ZDHHC18: variants seen among roughly 807,000 people sequenced by gnomAD.
ZDHHC18 encodes palmitoyltransferase ZDHHC18.
Under a neutral mutation model 37.5 loss-of-function variants are expected in ZDHHC18, and 23 were observed. The observed-to-expected ratio is 0.61, with a 90% CI of 0.44 to 0.87. ZDHHC18 has a LOEUF of 0.87. Among genes scored for constraint, ZDHHC18 ranks in the 40% least tolerant of loss-of-function variants. The pLI is 0.00. For missense variants in ZDHHC18, 406 were observed against 525.6 expected, an observed-to-expected ratio of 0.77 and a Z score of 2.22; for synonymous variants, 185 against 218.7, an observed-to-expected ratio of 0.85 and a Z score of 1.36.
intron 2 of ZDHHC18, among the ~76,000 whole-genome samples, chr1:26,839,352 C>A (rs755465575): frequency 2.0e-5 from 3 of 152,226 alleles, no homozygotes; most frequent in Non-Finnish European, 4.4e-5. Flanking sequence ...TACCATCACT[C>A]CCTTCTTTCT....
chr1:26,846,488 G>A (rs959209845), intron 2 of ZDHHC18, among the ~76,000 whole-genome samples: 3 of 149,836 alleles, frequency 2.0e-5, no homozygotes, highest in South Asian at 2.1e-4. Flanking sequence ...CACCATGCCC[G>A]GCTGATTTTT....
chr1:26,840,893 GT>G (rs774116688), intron 2 of ZDHHC18, among the ~76,000 whole-genome samples: 36 of 145,944 alleles, frequency 2.5e-4, no homozygotes, highest in Non-Finnish European at 4.5e-4. Context: ...TATCTCTCTT[GT>G]TAGGTTGTTT....
At chr1:26,836,742 G>A (rs376395785) in intron 2 of ZDHHC18, among the ~76,000 whole-genome samples, 24 of 148,770 alleles carry the variant, frequency 1.6e-4, no homozygotes, top group African/African-American at 4.7e-4. Context: ...CTAATTTTTC[G>A]TATTTTTAGT....
intron 2 of ZDHHC18, among the ~76,000 whole-genome samples, chr1:26,846,557 A>G (rs2081667272): frequency 6.6e-6 from 1 of 150,584 alleles, no homozygotes; most frequent in African/African-American, 2.4e-5. Flanking sequence ...TCCTGACCTC[A>G]TGATCCGCCT....
At chr1:26,841,597 G>T (rs1193006095) in intron 2 of ZDHHC18, among the ~76,000 whole-genome samples, 1 of 152,176 alleles carries the variant, frequency 6.6e-6, no homozygotes, top group Non-Finnish European at 1.5e-5. Flanking sequence ...GGAGCCAAAA[G>T]CTGGGACTCT....
intron 2 of ZDHHC18, among the ~76,000 whole-genome samples, chr1:26,844,630 A>C (rs1482554219): frequency 6.6e-6 from 1 of 152,216 alleles, no homozygotes; most frequent in African/African-American, 2.4e-5. Context: ...GTTGCCAAAC[A>C]GTTGTCCAAA....
intron 1 of ZDHHC18, among the ~76,000 whole-genome samples, chr1:26,829,844 T>C (rs750497939): frequency 2.6e-5 from 4 of 152,336 alleles, no homozygotes; most frequent in Admixed American, 6.5e-5. Context: ...GGAGAGCTGT[T>C]AGCCTCTGGC....
At chr1:26,852,592 G>T (rs1475532104) in intron 6 of ZDHHC18, among the ~76,000 whole-genome samples, 161 bp from the exon 7 acceptor site, 1 of 152,192 alleles carries the variant, frequency 6.6e-6, no homozygotes, top group African/African-American at 2.4e-5. Context: ...TCTGCCAGGG[G>T]TCCCCCACAT....
chr1:26,826,704 A>T lies in ZDHHC18; in HGVS notation c.-101A>T. The T allele has an allele frequency of 2.2e-6, 1 of 459,272 alleles. No homozygotes were observed. Among genetic ancestry groups the T allele is most frequent in the Non-Finnish European group, 2.8e-6 (1 of 351,450 alleles). 28.4% of individuals were successfully genotyped at this position (459,272 alleles called of 1,614,324 possible). On this transcript the variant is annotated 5_prime_UTR_variant, in exon 1 of 8. Coordinates refer to ENST00000374142, the MANE Select transcript of ZDHHC18 (RefSeq NM_032283.3). The surrounding 1 kb of genome is among the most constrained non-coding windows in gnomAD (Gnocchi z 5.2). ...GGCCGCCCCAGTGAGTGAGCGAGCG[A>T]GCGCCGCGCGCGCCGCCGCTGCCAC...
chr1:26,843,137 C>CTTT (rs1336807710), intron 2 of ZDHHC18, among the ~76,000 whole-genome samples: 1 of 141,980 alleles, frequency 7.0e-6, no homozygotes, highest in Non-Finnish European at 1.6e-5. Flanking sequence ...TTCTTTCTTT[C>CTTT]TTTTTTTTTT....
chr1:26,847,045 G>C (rs1343282307), intron 2 of ZDHHC18, among the ~76,000 whole-genome samples: 1 of 151,788 alleles, frequency 6.6e-6, no homozygotes, highest in Non-Finnish European at 1.5e-5. Flanking sequence ...ACAGGCACAC[G>C]CCACCACAAC....
At position 26,832,430 on chromosome 1, in the gene ZDHHC18, T is replaced by A. The variant is rs1468566515; in HGVS notation, c.336-17T>A. The A allele has an allele frequency of 1.4e-5, 23 of 1,613,770 alleles. No individual in the cohort carries two copies. The highest frequency in any genetic ancestry group is 6.7e-5 in the Admixed American group (4 of 59,982). On this transcript the variant is annotated splice_polypyrimidine_tract_variant and intron_variant, in intron 1 of 7. Coordinates refer to ENST00000374142, the MANE Select transcript of ZDHHC18 (RefSeq NM_032283.3). ...CCCTTGGGGTGTCTGCTGATCTCTC[T>A]CCATCTCTCGTTCTAGCTGTCCCTA...
intron 2 of ZDHHC18, among the ~76,000 whole-genome samples, chr1:26,841,970 C>A (rs1180669008): frequency 6.6e-6 from 1 of 151,958 alleles, no homozygotes; most frequent in African/African-American, 2.4e-5. Flanking sequence ...CCTGTCTCTA[C>A]TAACAATACA....
At chr1:26,836,790 G>A (rs1436568638) in intron 2 of ZDHHC18, among the ~76,000 whole-genome samples, 2 of 149,066 alleles carry the variant, frequency 1.3e-5, no homozygotes, top group Admixed American at 6.7e-5. Context: ...GGATGGTCTC[G>A]ATCTCCTGAC....
intron 2 of ZDHHC18, 137 bp downstream of exon 2, chr1:26,832,744 C>T (rs901620034): frequency 1.9e-6 from 2 of 1,050,806 alleles, no homozygotes; most frequent in African/African-American, 1.6e-5. Flanking sequence ...CTGGAGCTGA[C>T]ACTGGCACAG....
Position 26,856,055 on chromosome 1 carries a change from A to G in ZDHHC18, c.*2212A>G. The G allele has an allele frequency of 2.7e-6, 1 of 367,464 alleles. No individual in the cohort carries two copies. The highest frequency in any genetic ancestry group is 1.9e-5 in the South Asian group (1 of 53,604). 22.8% of individuals were successfully genotyped at this position (367,464 alleles called of 1,614,324 possible). On this transcript the variant is annotated 3_prime_UTR_variant, in exon 8 of 8. Coordinates refer to ENST00000374142, the MANE Select transcript of ZDHHC18 (RefSeq NM_032283.3). This position sits in a 1 kb window ranked among gnomAD's most constrained non-coding sequence, Gnocchi z 5.2. ...TCCGATCCCCAATGAGTGCCCAGCT[A>G]AGAAAATGTTTGAGACAGTAGATTC...
At position 26,850,205 on chromosome 1, in the gene ZDHHC18, G is replaced by A. The variant is rs1023849130; in HGVS notation, c.647-96G>A. 9 of 1,476,952 alleles carry A rather than the reference G, an allele frequency of 6.1e-6. No homozygotes were observed. Among genetic ancestry groups the A allele is most frequent in the African/African-American group, 2.8e-5 (2 of 71,346 alleles). 91.5% of individuals were successfully genotyped at this position (1,476,952 alleles called of 1,614,324 possible). ...GCCAGCTGGTGCTGCGAGAGTGAAC[G>A]GGGTAGGAAAGCCCCAGCCATGGGT... On this transcript the variant is annotated intron_variant, in intron 3 of 7. Transcript: ENST00000374142. The surrounding 1 kb of genome is among the most constrained non-coding windows in gnomAD (Gnocchi z 6.1).
intron 2 of ZDHHC18, among the ~76,000 whole-genome samples, chr1:26,842,777 A>G (rs1158805684): frequency 6.6e-6 from 1 of 152,274 alleles, no homozygotes; most frequent in African/African-American, 2.4e-5. Context: ...AGACTGAAGC[A>G]TGTTTGCTTC....
intron 2 of ZDHHC18, among the ~76,000 whole-genome samples, chr1:26,846,999 G>A (rs575916092): frequency 4.6e-5 from 7 of 151,438 alleles, no homozygotes; most frequent in East Asian, 2.0e-4. Context: ...GGGTTCAAGC[G>A]ATTCTCCTGC....
Sources: allele counts gnomAD v4.1 joint callset (sites outside exome capture counted in the v4.1 genomes callset), GRCh38; gene constraint gnomAD v4.1.1; non-coding constraint Gnocchi (gnomAD v3.1); transcripts MANE v1.5; gene names NCBI Gene and HGNC (gene_info 2026-07-23, HGNC 2026-07-21).